The following MARCHF1 variants were observed in gnomAD, a reference collection of about 807,000 sequenced individuals.
The protein encoded by MARCHF1 is membrane associated ring-CH-type finger 1, also known as E3 ubiquitin-protein ligase MARCHF1.
MARCHF1 carries 40 observed loss-of-function variants against 54.2 expected under a neutral mutation model. The ratio of observed to expected loss-of-function variants is 0.74; its 90% CI spans 0.57 to 0.96. MARCHF1 has a LOEUF of 0.96. Among genes scored for constraint, MARCHF1 ranks in the 40% least tolerant of loss-of-function variants. MARCHF1 has a pLI of 0.00. For missense variants in MARCHF1, 586 were observed against 656.5 expected, an observed-to-expected ratio of 0.89 and a Z score of 1.17; for synonymous variants, 236 against 236.3, an observed-to-expected ratio of 1.00 and a Z score of 0.01.
chr4:163,814,045 G>A (rs1025328628), intron 4 of MARCHF1, among the ~76,000 whole-genome samples: 1 of 152,134 alleles, frequency 6.6e-6, no homozygotes, highest in African/African-American at 2.4e-5. Flanking sequence ...TAGGTTTGCT[G>A]GGTCCTTGCT....
intron 5 of MARCHF1, among the ~76,000 whole-genome samples, chr4:163,670,728 G>A (rs190153772): frequency 1.1e-4 from 17 of 152,236 alleles, no homozygotes; most frequent in African/African-American, 4.1e-4. Context: ...CTAATTCAAT[G>A]TATATTTATT....
rs10559720 is a variant in MARCHF1 at position 164,045,680 on chromosome 4, TAAA to T, written c.-247-56974_-247-56972del. 4.2e-5 allele frequency among the ~76,000 whole-genome samples: 6 copies of T among 143,090 alleles called. No homozygotes were observed. In the East Asian group the frequency reaches 1.0e-3, roughly 24 times the overall value. The allele number at this position is 143,090 out of a possible 152,430, so 93.9% of individuals were successfully genotyped here. On this transcript the variant is annotated intron_variant, in intron 2 of 9. Coordinates refer to ENST00000514618, the MANE Select transcript of MARCHF1 (RefSeq NM_001394959.1). ...TAGTCATGAAATCATTCTGGCTTAG[TAAA>T]AAAAAAAAACAGCAAAATACACCGT...
chr4:163,542,578 A>G (rs1738754387), intron 9 of MARCHF1, among the ~76,000 whole-genome samples: 1 of 152,184 alleles, frequency 6.6e-6, no homozygotes, highest in Admixed American at 6.5e-5. Context: ...ACCATGCAGT[A>G]AATGTGGAGA....
intron 4 of MARCHF1, among the ~76,000 whole-genome samples, chr4:163,724,485 G>T (rs557396678): frequency 6.6e-6 from 1 of 152,194 alleles, no homozygotes; most frequent in Non-Finnish European, 1.5e-5. Context: ...CAGTCTGTCC[G>T]TTCTCAGATC....
At chr4:164,359,903 G>A (rs1271277627) in intron 1 of MARCHF1, among the ~76,000 whole-genome samples, 1 of 152,138 alleles carries the variant, frequency 6.6e-6, no homozygotes, top group African/African-American at 2.4e-5. Context: ...CAGTTCTAAA[G>A]GGGACTGTGA....
intron 3 of MARCHF1, among the ~76,000 whole-genome samples, chr4:163,899,087 T>TCCAA (rs1469725763): frequency 6.6e-6 from 1 of 152,180 alleles, no homozygotes; most frequent in Admixed American, 6.5e-5. Flanking sequence ...TGTATTTGGG[T>TCCAA]GATACCTGCA....
At chr4:164,057,633 T>C (rs184787690) in intron 2 of MARCHF1, among the ~76,000 whole-genome samples, 1 of 152,140 alleles carries the variant, frequency 6.6e-6, no homozygotes, top group Non-Finnish European at 1.5e-5. Context: ...GCAACTATAT[T>C]GGGTCAAGAG....
chr4:164,241,357 T>G (rs1318285556), intron 1 of MARCHF1, among the ~76,000 whole-genome samples: 1 of 152,212 alleles, frequency 6.6e-6, no homozygotes, highest in East Asian at 1.9e-4. Context: ...GCTCTTTCTT[T>G]GCTGCAACAT....
At chr4:163,875,098 AGTTAAGGATAATTTATGATTGTGG>A (rs1202030039) in intron 3 of MARCHF1, among the ~76,000 whole-genome samples, 2 of 152,132 alleles carry the variant, frequency 1.3e-5, no homozygotes, top group African/African-American at 4.8e-5. Flanking sequence ...AATTCTGGTC[AGTTAAGGATAATTTATGATTGTGG>A]AGTTAGCTCA....
At chr4:164,211,664 C>G (rs1731778302) in intron 1 of MARCHF1, among the ~76,000 whole-genome samples, 1 of 151,908 alleles carries the variant, frequency 6.6e-6, no homozygotes, top group Non-Finnish European at 1.5e-5. Flanking sequence ...ACTCTTTGCC[C>G]TCATGTTCTT....
intron 4 of MARCHF1, among the ~76,000 whole-genome samples, chr4:163,713,939 A>G (rs1276304147): frequency 6.6e-6 from 1 of 152,214 alleles, no homozygotes; most frequent in African/African-American, 2.4e-5. Flanking sequence ...GAAGACATGA[A>G]AGAACAAACA....
At chr4:163,971,725 G>A (rs1273178939) in intron 3 of MARCHF1, among the ~76,000 whole-genome samples, 1 of 152,150 alleles carries the variant, frequency 6.6e-6, no homozygotes, top group East Asian at 1.9e-4. Flanking sequence ...CAGAACCTTT[G>A]TTCCTGTGTT....
rs569909999 is a variant in MARCHF1, at chr4:164,188,682, C to T, written c.-322-77020G>A. ...GACGCCAAGTGGCTCATCGGCCGCA[C>T]GTGGAACGACCTGTCTATGCAGCAG... On this transcript the variant is annotated intron_variant, in intron 1 of 9. Transcript: ENST00000514618. 6.3e-5 allele frequency: 70 copies of T among 1,106,356 alleles called. No homozygotes were observed. The African/African-American group carries it at 9.0e-4, about 14-fold the overall frequency. The allele number at this position is 1,106,356 out of a possible 1,614,324, so 68.5% of individuals were successfully genotyped here. A position where few individuals can be genotyped will look rare whatever the true frequency, so the allele number is the denominator to read the frequency against.
intron 4 of MARCHF1, among the ~76,000 whole-genome samples, chr4:163,704,695 T>C (rs558476146): frequency 8.6e-5 from 13 of 151,804 alleles, no homozygotes; most frequent in African/African-American, 3.1e-4. Context: ...AGCTATAGAA[T>C]ATATAATATT....
chr4:164,368,432 T>C (rs1477247118), intron 1 of MARCHF1, among the ~76,000 whole-genome samples: 1 of 152,056 alleles, frequency 6.6e-6, no homozygotes, highest in Non-Finnish European at 1.5e-5. Flanking sequence ...GAAGGTTTTA[T>C]AGGGAAGTTT....
chr4:164,218,666 C>G (rs372065096), intron 1 of MARCHF1, among the ~76,000 whole-genome samples: 5 of 128,274 alleles, frequency 3.9e-5, no homozygotes, highest in East Asian at 2.2e-4. Flanking sequence ...CACATGGACA[C>G]AGGAAGGGGA....
chr4:164,243,860 A>G (rs944190228), intron 1 of MARCHF1, among the ~76,000 whole-genome samples: 19 of 151,516 alleles, frequency 1.3e-4, no homozygotes, highest in African/African-American at 2.4e-4. Flanking sequence ...AGAGACAAAG[A>G]AGGCCATTAC....
At chr4:163,894,639 T>TGCATGTGATGCATATATATAC (rs1750742187) in intron 3 of MARCHF1, among the ~76,000 whole-genome samples, 1 of 108,898 alleles carries the variant, frequency 9.2e-6, no homozygotes, top group Non-Finnish European at 1.9e-5. Flanking sequence ...CATATATATA[T>TGCATGTGATGCATATATATAC]ATGCATGTGA....
At chr4:163,746,484 T>C (rs888505628) in intron 4 of MARCHF1, among the ~76,000 whole-genome samples, 1 of 152,200 alleles carries the variant, frequency 6.6e-6, no homozygotes, top group East Asian at 1.9e-4. Context: ...TGCAGGGTTT[T>C]TTTTTGTGGA....
Sources: gnomAD v4.1 joint callset for allele counts (sites outside exome capture counted in the v4.1 genomes callset) on GRCh38, gnomAD v4.1.1 for gene constraint, MANE v1.5 for transcripts, NCBI Gene and HGNC (gene_info 2026-07-23, HGNC 2026-07-21) for gene names.